Variants in VPS13B observed in about 807,000 individuals in gnomAD.
VPS13B encodes the protein intermembrane lipid transfer protein VPS13B.
A neutral mutation model predicts 426.4 loss-of-function variants in VPS13B; 285 were observed. The ratio of observed to expected loss-of-function variants is 0.67; its 90% CI spans 0.61 to 0.74. VPS13B has a LOEUF of 0.74. VPS13B is among the 30% of genes least tolerant of loss of function. The pLI is 0.00. For synonymous variants in VPS13B, 1,676 were observed against 1,676.4 expected, an observed-to-expected ratio of 1.00 and a Z score of 0.01; for missense variants, 4,537 against 4,782.6, an observed-to-expected ratio of 0.95 and a Z score of 1.51.
chr8:99,662,101 A>C (rs1010198975), intron 35 of VPS13B, among the ~76,000 whole-genome samples: 94 of 152,316 alleles, frequency 6.2e-4, no homozygotes, highest in African/African-American at 2.1e-3. Flanking sequence ...AGACTTAGAA[A>C]AGTGAAGTAA....
At position 99,699,849 on chromosome 8, in the gene VPS13B, C is replaced by T. The variant is rs762559001; in HGVS notation, c.6371C>T (p.Pro2124Leu). Residue 2124 changes from proline to leucine, a missense_variant, in exon 36 of 62, where the codon CCC becomes CTC. Around this residue, in one of 2 missense-constraint regions of VPS13B, gnomAD observed 4,311 missense variants for 4,474.3 expected, o/e 0.96. Transcript: ENST00000357162. ...ATTGTGATCTCCATGGAAACTGTAC[C>T]CCATACCAGCAAACCATGCCTGTTA... Reference protein sequence around the residue: ...TQIVISMETVPHTSKPCLLAS... With the variant: ...TQIVISMETVLHTSKPCLLAS... 1.5e-5 allele frequency: 25 copies of T among 1,613,736 alleles called. No homozygotes were observed. The highest frequency in any genetic ancestry group is 2.1e-5 in the Non-Finnish European group (25 of 1,179,918).
chr8:99,505,564 G>C (rs1326610913), intron 27 of VPS13B, among the ~76,000 whole-genome samples: 1 of 152,110 alleles, frequency 6.6e-6, no homozygotes, highest in African/African-American at 2.4e-5. Flanking sequence ...AATTAAGTTT[G>C]TGTCTTCAGG....
At chr8:99,058,733 C>G (rs1844021315) in intron 3 of VPS13B, among the ~76,000 whole-genome samples, 1 of 152,024 alleles carries the variant, frequency 6.6e-6, no homozygotes, top group South Asian at 2.1e-4. Context: ...AGTTATGGAG[C>G]CCAGATGGAA....
At position 99,121,319 on chromosome 8, in the gene VPS13B, C is replaced by G. The variant is rs755878394; in HGVS notation, c.1080C>G (p.Asp360Glu). ...WSFVPAIVSYDDGEEDFVGND... is the reference protein window; with the variant it reads ...WSFVPAIVSYEDGEEDFVGND... ...TTGTGCCTGCAATTGTGAGTTATGA[C>G]GATGGCGAGGAAGACTTTGTTGGGA... is the stretch of plus-strand genomic sequence containing the variant. Residue 360 changes from aspartate (D) to glutamate (E), a missense_variant, in exon 8 of 62, where the codon GAC becomes GAG. Physicochemically the swap from Asp to Glu is conservative, Grantham distance 45. This residue lies in a region of VPS13B where 4,311 missense variants were observed against 4,474.3 expected (regional missense o/e 0.96). Coordinates refer to ENST00000357162, the MANE Select transcript of VPS13B (RefSeq NM_152564.5). 4 of 1,613,954 alleles carry G rather than the reference C, an allele frequency of 2.5e-6. No individual in the cohort carries two copies. In the African/African-American group the frequency reaches 5.3e-5, roughly 22 times the overall value.
intron 43 of VPS13B, among the ~76,000 whole-genome samples, chr8:99,788,193 T>C (rs1812361216): frequency 6.8e-6 from 1 of 146,514 alleles, no homozygotes; most frequent in Admixed American, 6.8e-5. Flanking sequence ...ACCCAATCTC[T>C]ATAAAAAAAC....
chr8:99,392,731 A>G (rs1814512002), intron 21 of VPS13B, among the ~76,000 whole-genome samples: 1 of 152,146 alleles, frequency 6.6e-6, no homozygotes, highest in South Asian at 2.1e-4. Context: ...TATTTTATAC[A>G]TAAGTATTAT....
At chr8:99,406,379 CT>C (rs1182528316) in intron 21 of VPS13B, among the ~76,000 whole-genome samples, 4 of 151,996 alleles carry the variant, frequency 2.6e-5, no homozygotes, top group Non-Finnish European at 5.9e-5. Flanking sequence ...CTTTTTGTTT[CT>C]CGTTATTTTT....
chr8:99,159,552 A>G (rs948831451), intron 15 of VPS13B, among the ~76,000 whole-genome samples: 8 of 152,192 alleles, frequency 5.3e-5, no homozygotes, highest in Non-Finnish European at 1.0e-4. Flanking sequence ...TAGCCCCACC[A>G]CTTTTAGCAA....
chr8:99,241,813 G>GATCTTCAAATTAATATTT (rs1363526030), intron 17 of VPS13B, among the ~76,000 whole-genome samples: 7 of 152,042 alleles, frequency 4.6e-5, no homozygotes, highest in African/African-American at 1.7e-4. Flanking sequence ...CTAGAAAATT[G>GATCTTCAAATTAATATTT]ATCTTCAAAT....
chr8:99,321,164 A>T (rs1809958520), intron 19 of VPS13B, among the ~76,000 whole-genome samples: 1 of 151,784 alleles, frequency 6.6e-6, no homozygotes, highest in Admixed American at 6.6e-5. Context: ...GTTGTTTTAG[A>T]AGCTGACGGT....
At chr8:99,125,695 A>G (rs998182506) in intron 8 of VPS13B, among the ~76,000 whole-genome samples, 1 of 152,212 alleles carries the variant, frequency 6.6e-6, no homozygotes, top group African/African-American at 2.4e-5. Flanking sequence ...AAGCTCTGCA[A>G]AAATATAGTG....
intron 27 of VPS13B, among the ~76,000 whole-genome samples, chr8:99,505,598 A>G (rs1563766109): frequency 6.6e-6 from 1 of 152,182 alleles, no homozygotes; most frequent in Non-Finnish European, 1.5e-5. Flanking sequence ...TGATGTCCTG[A>G]AATAATTATG....
chr8:99,083,070 G>A (rs1321642339), intron 3 of VPS13B, among the ~76,000 whole-genome samples: 10 of 152,172 alleles, frequency 6.6e-5, no homozygotes, highest in East Asian at 3.9e-4. Context: ...CCATTTTCAT[G>A]ATATTGATTC....
intron 59 of VPS13B, among the ~76,000 whole-genome samples, chr8:99,868,994 G>A (rs974834815): frequency 1.2e-4 from 18 of 152,242 alleles, no homozygotes; most frequent in Non-Finnish European, 7.3e-5. Flanking sequence ...TGGGAAGTGC[G>A]TGGCGCATGG....
chr8:99,274,862 A>C (rs1818810019), intron 18 of VPS13B, among the ~76,000 whole-genome samples: 1 of 152,086 alleles, frequency 6.6e-6, no homozygotes, highest in African/African-American at 2.4e-5. Flanking sequence ...TTCCTTTTAT[A>C]AGCTTTTCTG....
intron 19 of VPS13B, among the ~76,000 whole-genome samples, chr8:99,379,237 A>G (rs1010816376): frequency 5.3e-5 from 8 of 152,168 alleles, no homozygotes; most frequent in African/African-American, 1.9e-4. Context: ...CCACAAAACC[A>G]GTTCCTGGTG....
intron 61 of VPS13B, chr8:99,875,207 A>C (rs1307813146): frequency 1.5e-6 from 1 of 682,960 alleles, no homozygotes; most frequent in African/African-American, 1.8e-5. Context: ...AGGCTGTCCT[A>C]AGTCTCATGC....
At chr8:99,737,984 A>G (rs1833915296) in intron 39 of VPS13B, among the ~76,000 whole-genome samples, 1 of 152,234 alleles carries the variant, frequency 6.6e-6, no homozygotes, top group South Asian at 2.1e-4. Flanking sequence ...TCCAGTGAAG[A>G]GAGATGACCA....
chr8:99,868,122 C>A, intron 58 of VPS13B, 167 bp from the exon 59 acceptor site: 1 of 754,974 alleles, frequency 1.3e-6, no homozygotes, highest in Non-Finnish European at 2.2e-6. Context: ...TAAATGTCTA[C>A]TGCCCTTGGT....
Sources: allele counts gnomAD v4.1 joint callset (sites outside exome capture counted in the v4.1 genomes callset), GRCh38; gene constraint gnomAD v4.1.1; regional missense constraint gnomAD v4.1.1; transcripts MANE v1.5; gene names NCBI Gene and HGNC (gene_info 2026-07-23, HGNC 2026-07-21).